Variants in SH3TC2 observed in about 807,000 individuals in gnomAD.
The protein encoded by SH3TC2 is SH3 domain and tetratricopeptide repeat-containing protein 2.
Under a neutral mutation model 124.5 loss-of-function variants are expected in SH3TC2, and 87 were observed. The ratio of observed to expected loss-of-function variants is 0.70; its 90% CI spans 0.59 to 0.84. The LOEUF is 0.84. Among genes scored for constraint, SH3TC2 ranks in the 40% least tolerant of loss-of-function variants. The pLI, the probability that SH3TC2 is intolerant of heterozygous loss-of-function variation, is 0.00. For synonymous variants in SH3TC2, 634 were observed against 628.5 expected (o/e 1.01, Z -0.13); for missense variants, 1,536 against 1,566.4 (o/e 0.98, Z 0.33).
chr5:148,987,981 A>C lies in SH3TC2; in HGVS notation c.*16730T>G, dbSNP rs1431852396. Reference sequence around the variant, plus strand: ...GCCACTTCTCCAGATACCCACAAGGAAGTGCCGAGAATGCTGTTGCACCTC... The same window carrying C: ...GCCACTTCTCCAGATACCCACAAGGCAGTGCCGAGAATGCTGTTGCACCTC... On this transcript the variant is annotated 3_prime_UTR_variant, in exon 17 of 17. Coordinates refer to ENST00000515425, the MANE Select transcript of SH3TC2 (RefSeq NM_024577.4). 6.6e-6 allele frequency among the ~76,000 whole-genome samples: 1 copy of C among 152,142 alleles called. No homozygotes were observed. The highest frequency in any genetic ancestry group is 1.5e-5 in the Non-Finnish European group (1 of 68,026).
At position 149,042,856 on chromosome 5, in the gene SH3TC2, A is replaced by G. The variant is rs1754396021; in HGVS notation, c.386-19T>C. ...ACGTAGCCTAAGAAGTCAAGCCAAC[A>G]AGATTTCTGAACAAAATGATTTCTG... On this transcript the variant is annotated intron_variant, in intron 4 of 16. Coordinates refer to ENST00000515425, the MANE Select transcript of SH3TC2 (RefSeq NM_024577.4). 1.9e-6 allele frequency: 3 copies of G among 1,613,872 alleles called. No individual in the cohort carries two copies. The East Asian group carries it at 6.7e-5, about 36-fold the overall frequency.
At position 148,984,365 on chromosome 5, in the gene SH3TC2, C is replaced by T. The variant is rs1397503160; in HGVS notation, c.*20346G>A. 6.6e-6 allele frequency among the ~76,000 whole-genome samples: 1 copy of T among 151,822 alleles called. No individual in the cohort carries two copies. Among genetic ancestry groups the T allele is most frequent in the Non-Finnish European group, 1.5e-5 (1 of 67,986 alleles). Reference sequence around the variant, plus strand: ...ATTCATTATACATTATAAATATATACAATTATTATTTATCAATTAAAAATA... The same window carrying T: ...ATTCATTATACATTATAAATATATATAATTATTATTTATCAATTAAAAATA... On this transcript the variant is annotated 3_prime_UTR_variant, in exon 17 of 17. Transcript: ENST00000515425.
chr5:149,041,467 C>T lies in SH3TC2; in HGVS notation c.680G>A (p.Arg227Gln), dbSNP rs1257812868. ...CAAGGCTGACACCAGTACCAGGCCC[C>T]GCTGACCTGTCACCAAAGACACGCC... is the stretch of plus-strand genomic sequence containing the variant. ...LEGVSLVTGQ[R>Q]GLVLVSALEP... The change falls in exon 6 of 17, where the codon CGG (arginine) becomes CAG (glutamine). Residue 227 changes from arginine (R) to glutamine (Q), a missense_variant. Physicochemically the swap from Arg to Gln is conservative, Grantham distance 43 (BLOSUM62 1). This residue lies in a region of SH3TC2 where 1,102 missense variants were observed against 1,098.6 expected (regional missense o/e 1.00). Transcript: ENST00000515425. 5.6e-6 allele frequency: 9 copies of T among 1,613,776 alleles called. No homozygotes were observed. Among genetic ancestry groups the T allele is most frequent in the East Asian group, 2.2e-5 (1 of 44,890 alleles).
At chr5:149,038,849 C>T (rs73795759) in intron 7 of SH3TC2, among the ~76,000 whole-genome samples, 449 of 152,326 alleles carry the variant, frequency 2.9e-3, no homozygotes, top group African/African-American at 0.01. Context: ...GATTTTGCCA[C>T]TGTAATGTAA....
intron 1 of SH3TC2, among the ~76,000 whole-genome samples, chr5:149,055,002 A>G (rs1025138280): frequency 9.9e-5 from 15 of 152,152 alleles, no homozygotes; most frequent in African/African-American, 3.4e-4. Flanking sequence ...GCAAAATGTG[A>G]TATGTGAACT....
rs1753348780 is a variant in SH3TC2 at position 148,987,347 on chromosome 5, C to A, written c.*17364G>T. Reference sequence around the variant, plus strand: ...AACTTTATAAGTTTTTTTCATTGATCTATTGCTACAGCCTGGGGCAGTGCC... The same window carrying A: ...AACTTTATAAGTTTTTTTCATTGATATATTGCTACAGCCTGGGGCAGTGCC... On this transcript the variant is annotated 3_prime_UTR_variant, in exon 17 of 17. Coordinates refer to ENST00000515425, the MANE Select transcript of SH3TC2 (RefSeq NM_024577.4). Among the ~76,000 whole-genome samples the A allele has an allele frequency of 1.3e-5, 2 of 152,144 alleles. No individual in the cohort carries two copies. The highest frequency in any genetic ancestry group is 2.4e-5 in the African/African-American group (1 of 41,440).
intron 3 of SH3TC2, chr5:149,045,760 C>T: frequency 5.5e-6 from 1 of 181,146 alleles, no homozygotes; most frequent in Non-Finnish European, 1.2e-5. Context: ...GATTCCCCTG[C>T]CTCAGCCTCT....
In SH3TC2 at chr5:148,987,445, T is replaced by C. The variant is rs1232237050; in HGVS notation, c.*17266A>G. 1.3e-5 allele frequency among the ~76,000 whole-genome samples: 2 copies of C among 152,232 alleles called. No individual in the cohort carries two copies. Among genetic ancestry groups the C allele is most frequent in the Admixed American group, 1.3e-4 (2 of 15,284 alleles). On this transcript the variant is annotated 3_prime_UTR_variant, in exon 17 of 17. Coordinates refer to ENST00000515425, the MANE Select transcript of SH3TC2 (RefSeq NM_024577.4). ...ACTTGAGGAGATAAGGTGTTGAAAC[T>C]CTCCCAGGCCTTATTCATGAGAGAT...
chr5:148,999,407 C>T lies in SH3TC2; in HGVS notation c.*5304G>A, dbSNP rs886060171. 5.3e-5 allele frequency among the ~76,000 whole-genome samples: 8 copies of T among 152,164 alleles called. No individual in the cohort carries two copies. The highest frequency in any genetic ancestry group is 1.9e-4 in the African/African-American group (8 of 41,432). On this transcript the variant is annotated 3_prime_UTR_variant, in exon 17 of 17. Coordinates refer to ENST00000515425, the MANE Select transcript of SH3TC2 (RefSeq NM_024577.4). ...AGAAACAGATTCTAACCTAAGTATG[C>T]CCAACTCCAAAACACATTACATTGC...
intron 7 of SH3TC2, among the ~76,000 whole-genome samples, chr5:149,040,147 AC>A (rs1326538831): frequency 6.6e-6 from 1 of 152,094 alleles, no homozygotes; most frequent in Non-Finnish European, 1.5e-5. Context: ...TTTACTGAGT[AC>A]CCTTATGTGC....
chr5:149,056,585 G>A (rs1363734687), intron 1 of SH3TC2, among the ~76,000 whole-genome samples: 2 of 152,156 alleles, frequency 1.3e-5, no homozygotes, highest in Non-Finnish European at 1.5e-5. Context: ...GTTCTGAGGT[G>A]TGTGTTTTTA....
Position 149,026,849 on chromosome 5 carries a change from G to A in SH3TC2, c.2872+11C>T, listed in dbSNP as rs1408819500. 1 of 1,614,174 alleles carries A rather than the reference G, an allele frequency of 6.2e-7. No individual in the cohort carries two copies. Among genetic ancestry groups the A allele is most frequent in the Non-Finnish European group, 8.5e-7 (1 of 1,180,034 alleles). On this transcript the variant is annotated intron_variant, in intron 11 of 16. Transcript: ENST00000515425. Reference sequence around the variant, plus strand: ...TCTCTATAGCTTCCCAGCAGCATGGGACATACTTACTCTTTAGATGTCGAT... The same window carrying A: ...TCTCTATAGCTTCCCAGCAGCATGGAACATACTTACTCTTTAGATGTCGAT...
In SH3TC2 at chr5:149,026,421, G is replaced by T. The variant is rs542617212; in HGVS notation, c.3053+151C>A. ...CAAGGCTACACCACTAATAAGTGAT[G>T]GATGCATTGTGGTGGCTGCAGAGCC... On this transcript the variant is annotated intron_variant, in intron 12 of 16. Coordinates refer to ENST00000515425, the MANE Select transcript of SH3TC2 (RefSeq NM_024577.4). 4.8e-6 allele frequency: 4 copies of T among 839,086 alleles called. No homozygotes were observed. The African/African-American group carries it at 5.0e-5, about 11-fold the overall frequency. The allele number at this position is 839,086 out of a possible 1,614,324, so 52.0% of individuals were successfully genotyped here. A position where few individuals can be genotyped will look rare whatever the true frequency, so the allele number is the denominator to read the frequency against.
intron 2 of SH3TC2, among the ~76,000 whole-genome samples, chr5:149,049,622 T>A (rs1175310048): frequency 2.0e-5 from 3 of 151,342 alleles, no homozygotes; most frequent in African/African-American, 7.3e-5. Flanking sequence ...GAAAAAAAAA[T>A]TAGCCAGACA....
chr5:149,043,632 G>A (rs1469692601), intron 4 of SH3TC2: 1 of 151,780 alleles, frequency 6.6e-6, no homozygotes, highest in Non-Finnish European at 1.5e-5. Flanking sequence ...TCTGAGATAG[G>A]GTTGAGCTTC....
chr5:149,020,553 G>A (rs1261591873), intron 12 of SH3TC2, among the ~76,000 whole-genome samples: 1 of 152,102 alleles, frequency 6.6e-6, no homozygotes, highest in Non-Finnish European at 1.5e-5. Flanking sequence ...GGAGAAGAAA[G>A]AAAATGTTTC....
chr5:149,044,459 C>A (rs1260146705), intron 4 of SH3TC2, 74 bp downstream of exon 4: 1 of 1,138,234 alleles, frequency 8.8e-7, no homozygotes. Context: ...CAGGCCAATT[C>A]CTTCATGTCA....
chr5:149,035,118 G>C (rs970203533), intron 8 of SH3TC2, among the ~76,000 whole-genome samples: 1 of 152,042 alleles, frequency 6.6e-6, no homozygotes, highest in African/African-American at 2.4e-5. Flanking sequence ...GCAAATAAAT[G>C]GCTATGAGAC....
Position 149,026,597 on chromosome 5 carries a change from G to T in SH3TC2, c.3028C>A (p.Leu1010Ile), listed in dbSNP as rs1243271992. The T allele has an allele frequency of 6.2e-7, 1 of 1,614,172 alleles. No individual in the cohort carries two copies. Among genetic ancestry groups the T allele is most frequent in the South Asian group, 1.1e-5 (1 of 91,080 alleles). Reference protein sequence around the residue: ...EGRLLESLGQLYRNLNTARSL... With the variant: ...EGRLLESLGQIYRNLNTARSL... ...CTGGCGGTATTTAGGTTCCGATAAA[G>T]CTGCCCCAGGGACTCCAGCAGCCTC... The change falls in exon 12 of 17, where the codon CTT becomes ATT. Residue 1010 changes from leucine (L) to isoleucine (I), a missense_variant. Physicochemically the swap from Leu to Ile is conservative, Grantham distance 5. Around this residue, in one of 3 missense-constraint regions of SH3TC2, gnomAD observed 426 missense variants for 443.5 expected, o/e 0.96. Coordinates refer to ENST00000515425, the MANE Select transcript of SH3TC2 (RefSeq NM_024577.4).
Sources: allele counts gnomAD v4.1 joint callset (sites outside exome capture counted in the v4.1 genomes callset), GRCh38; gene constraint gnomAD v4.1.1; regional missense constraint gnomAD v4.1.1; transcripts MANE v1.5; gene names NCBI Gene and HGNC (gene_info 2026-07-23, HGNC 2026-07-21).